The following SLC41A2 variants were observed in gnomAD, a reference collection of about 807,000 sequenced individuals.
SLC41A2 encodes SLC41A1-like 1.
SLC41A2 carries 32 observed loss-of-function variants against 58.3 expected under a neutral mutation model. The ratio of observed to expected loss-of-function variants is 0.55; its 90% CI spans 0.41 to 0.74. The LOEUF (loss-of-function observed/expected upper bound fraction) is 0.74. SLC41A2 is among the 30% of genes least tolerant of loss of function. The pLI, the probability that SLC41A2 is intolerant of heterozygous loss-of-function variation, is 0.00. For synonymous variants in SLC41A2, 190 were observed against 235.0 expected (o/e 0.81, Z 1.75); for missense variants, 514 against 680.6 (o/e 0.76, Z 2.72).
At chr12:104,862,096 A>G (rs1052670771) in intron 7 of SLC41A2, among the ~76,000 whole-genome samples, 2 of 152,200 alleles carry the variant, frequency 1.3e-5, no homozygotes, top group African/African-American at 4.8e-5. Flanking sequence ...CAGTCCTAAT[A>G]TTCCATGGGA....
intron 8 of SLC41A2, among the ~76,000 whole-genome samples, chr12:104,859,880 G>A (rs2043143602): frequency 6.6e-6 from 1 of 151,866 alleles, no homozygotes; most frequent in Non-Finnish European, 1.5e-5. Context: ...GGGACTACAG[G>A]CGTGTACCAC....
In SLC41A2 at chr12:104,866,380, GTACACA is replaced by G. The variant is rs775711785; in HGVS notation, c.1175+46_1175+51del. The G allele has an allele frequency of 1.3e-3, 1,767 of 1,380,790 alleles. 2 individuals carry two copies. Among genetic ancestry groups the G allele is most frequent in the African/African-American group, 0.011 (536 of 50,312 alleles). 85.5% of individuals were successfully genotyped at this position (1,380,790 alleles called of 1,614,324 possible). A position where few individuals can be genotyped will look rare whatever the true frequency, so the allele number is the denominator to read the frequency against. On this transcript the variant is annotated intron_variant, in intron 7 of 10. Transcript: ENST00000258538. ...AGAAGACACACAAAGACAGACAGAC[GTACACA>G]CACACACACACACACACACACACAC...
chr12:104,839,036 C>G (rs573550949), intron 10 of SLC41A2, among the ~76,000 whole-genome samples: 2 of 152,272 alleles, frequency 1.3e-5, no homozygotes, highest in East Asian at 3.9e-4. Context: ...AGTTTTTCTA[C>G]AACTAAGCTT....
chr12:104,836,948 T>C (rs117912612), intron 10 of SLC41A2, among the ~76,000 whole-genome samples: 2,422 of 152,332 alleles, frequency 0.016, 34 homozygotes, highest in Non-Finnish European at 0.026. Context: ...ACACATCATC[T>C]GTACTGTAGG....
chr12:104,950,925 A>ATTTT (rs1390190156), intron 1 of SLC41A2, among the ~76,000 whole-genome samples: 1 of 152,210 alleles, frequency 6.6e-6, no homozygotes. Context: ...GTATGCCTAG[A>ATTTT]TTGAGGTGGC....
intron 8 of SLC41A2, among the ~76,000 whole-genome samples, chr12:104,856,504 CAG>C (rs1392071897): frequency 6.6e-6 from 1 of 151,916 alleles, no homozygotes; most frequent in Admixed American, 6.6e-5. Flanking sequence ...GTAGAAGAGA[CAG>C]AACAGAAGCT....
At chr12:104,862,425 T>A (rs896379096) in intron 7 of SLC41A2, among the ~76,000 whole-genome samples, 1 of 152,040 alleles carries the variant, frequency 6.6e-6, no homozygotes, top group Non-Finnish European at 1.5e-5. Flanking sequence ...TAGTTCTGAG[T>A]CAAAAAATAA....
intron 2 of SLC41A2, among the ~76,000 whole-genome samples, chr12:104,914,602 T>C (rs2046230797): frequency 6.6e-6 from 1 of 152,196 alleles, no homozygotes; most frequent in African/African-American, 2.4e-5. Context: ...ACTTAAAATA[T>C]CCCACAGTAA....
rs749687059 is a variant in SLC41A2, at chr12:104,802,612, G to A, written c.*2540C>T. The stretch of plus-strand genomic sequence containing the variant: ...TGGCAAATGGCCAGACCTGGGCAGG[G>A]TGGTAGCAATGATAGATTTTACAAA... On this transcript the variant is annotated 3_prime_UTR_variant, in exon 11 of 11. Coordinates refer to ENST00000258538, the MANE Select transcript of SLC41A2 (RefSeq NM_001352171.3). 6.6e-6 allele frequency: 1 copy of A among 152,140 alleles called. No individual in the cohort carries two copies. Among genetic ancestry groups the A allele is most frequent in the Non-Finnish European group, 1.5e-5 (1 of 68,014 alleles). The allele number at this position is 152,140 out of a possible 1,614,324, so 9.4% of individuals were successfully genotyped here. A position where few individuals can be genotyped will look rare whatever the true frequency, so the allele number is the denominator to read the frequency against.
chr12:104,807,509 G>T (rs1182152077), intron 10 of SLC41A2, among the ~76,000 whole-genome samples: 1 of 152,176 alleles, frequency 6.6e-6, no homozygotes, highest in Non-Finnish European at 1.5e-5. Context: ...GATGCCTCCA[G>T]CTTTGTTCTT....
chr12:104,929,330 A>G (rs2046970343), intron 1 of SLC41A2, among the ~76,000 whole-genome samples: 1 of 152,244 alleles, frequency 6.6e-6, no homozygotes. Context: ...ATTTAGGAAT[A>G]TAAACCTTCT....
intron 3 of SLC41A2, among the ~76,000 whole-genome samples, chr12:104,899,889 TTTG>T (rs998241109): frequency 2.0e-5 from 3 of 152,218 alleles, no homozygotes; most frequent in South Asian, 2.1e-4. Flanking sequence ...TTTTGTTGTT[TTTG>T]TTGTTGTTGT....
Position 104,886,287 on chromosome 12 carries a change from A to G in SLC41A2, c.1027+6T>C, listed in dbSNP as rs2044654695. 2.5e-6 allele frequency: 4 copies of G among 1,610,926 alleles called. No homozygotes were observed. The highest frequency in any genetic ancestry group is 3.4e-6 in the Non-Finnish European group (4 of 1,178,762). On this transcript the variant is annotated splice_donor_region_variant and intron_variant, in intron 6 of 10. Coordinates refer to ENST00000258538, the MANE Select transcript of SLC41A2 (RefSeq NM_001352171.3). ...ACACACAATATTTAGTTTTAAATCA[A>G]CTTACCAAGACAGGAGTATAAGCCC... is the stretch of plus-strand genomic sequence containing the variant.
chr12:104,949,608 A>G lies in SLC41A2; in HGVS notation c.-168+8480T>C, dbSNP rs539895231. 1.4e-4 allele frequency among the ~76,000 whole-genome samples: 21 copies of G among 152,274 alleles called. No homozygotes were observed. The South Asian group carries it at 3.7e-3, about 27-fold the overall frequency. On this transcript the variant is annotated intron_variant, in intron 1 of 10. Coordinates refer to ENST00000258538, the MANE Select transcript of SLC41A2 (RefSeq NM_001352171.3). ...CTAAACTTTTTCTTTTTTTAGACGGAGTTTCGCTCTTGTTGCCCAGGCTGG... is the reference window on the plus strand; with the variant it reads ...CTAAACTTTTTCTTTTTTTAGACGGGGTTTCGCTCTTGTTGCCCAGGCTGG...
intron 10 of SLC41A2, among the ~76,000 whole-genome samples, chr12:104,813,635 T>A (rs1566095666): frequency 6.6e-6 from 1 of 152,054 alleles, no homozygotes; most frequent in African/African-American, 2.4e-5. Context: ...ACAAATGGGT[T>A]TTTTGTTTTG....
At chr12:104,847,290 G>T (rs985057311) in intron 8 of SLC41A2, among the ~76,000 whole-genome samples, 1 of 151,860 alleles carries the variant, frequency 6.6e-6, no homozygotes, top group African/African-American at 2.4e-5. Context: ...GGATAAAGAC[G>T]AACATCGAAT....
chr12:104,873,958 C>A (rs2043913904), intron 6 of SLC41A2, among the ~76,000 whole-genome samples: 1 of 152,018 alleles, frequency 6.6e-6, no homozygotes, highest in Middle Eastern at 3.2e-3. Context: ...CAAATATCTT[C>A]TCCCAATCCA....
intron 7 of SLC41A2, among the ~76,000 whole-genome samples, chr12:104,862,563 G>A (rs997438327): frequency 4.6e-5 from 7 of 152,084 alleles, no homozygotes; most frequent in Non-Finnish European, 1.0e-4. Flanking sequence ...AAGACAAAAT[G>A]AAGAAAGTAA....
At chr12:104,855,450 C>T (rs1291221046) in intron 8 of SLC41A2, among the ~76,000 whole-genome samples, 1 of 152,092 alleles carries the variant, frequency 6.6e-6, no homozygotes, top group East Asian at 1.9e-4. Flanking sequence ...ATGTATATTC[C>T]TAAATACTAT....
Sources: allele counts gnomAD v4.1 joint callset (sites outside exome capture counted in the v4.1 genomes callset), GRCh38; gene constraint gnomAD v4.1.1; transcripts MANE v1.5; gene names NCBI Gene and HGNC (gene_info 2026-07-23, HGNC 2026-07-21).